The following AR variants were observed in gnomAD, a reference collection of about 807,000 sequenced individuals.
AR encodes the protein androgen receptor, also known as dihydrotestosterone receptor.
AR carries 8 observed loss-of-function variants against 53.9 expected under a neutral mutation model. The observed-to-expected ratio is 0.15, with a 90% CI of 0.09 to 0.27. The LOEUF is 0.27. Ranked by LOEUF, AR falls within the 10% of genes least tolerant of loss-of-function variation. AR has a pLI of 1.00. For missense variants in AR, 639 were observed against 742.5 expected, an observed-to-expected ratio of 0.86 and a Z score of 1.62; for synonymous variants, 359 against 316.4, an observed-to-expected ratio of 1.13 and a Z score of -1.43.
chrX:67,612,888 T>A (rs1398256919), intron 1 of AR, among the ~76,000 whole-genome samples: 1 of 111,753 alleles, frequency 8.9e-6, no homozygotes, highest in Non-Finnish European at 1.9e-5. Flanking sequence ...GCTTCCTCTC[T>A]CTCAAAATCT....
chrX:67,718,006 C>T, intron 5 of AR, among the ~76,000 whole-genome samples: 1 of 112,830 alleles, frequency 8.9e-6, no homozygotes. Flanking sequence ...TACTTCTAGT[C>T]ACCATTTGCT....
intron 1 of AR, among the ~76,000 whole-genome samples, chrX:67,619,385 CA>C (rs775476397): frequency 1.1e-4 from 12 of 110,339 alleles, no homozygotes; most frequent in Non-Finnish European, 1.9e-4. Flanking sequence ...GTAAAATTAA[CA>C]GATATTAGTC....
chrX:67,699,840 T>A (rs1043836133), intron 3 of AR, among the ~76,000 whole-genome samples: 1 of 111,460 alleles, frequency 9.0e-6, no homozygotes, highest in Non-Finnish European at 1.9e-5. Flanking sequence ...TTTTCCTTAA[T>A]CATGGTTGAG....
At chrX:67,604,984 A>G (rs1469809133) in intron 1 of AR, among the ~76,000 whole-genome samples, 1 of 112,274 alleles carries the variant, frequency 8.9e-6, no homozygotes, top group Non-Finnish European at 1.9e-5. Flanking sequence ...GTGTGACTGT[A>G]ACAAGATCAC....
rs148797085 is a variant in AR at position 67,563,824 on chromosome X, T to A, written c.1616+17062T>A. 6.4e-3 allele frequency among the ~76,000 whole-genome samples: 713 copies of A among 112,269 alleles called. 3 individuals are homozygous for A. Among genetic ancestry groups the A allele is most frequent in the Non-Finnish European group, 0.01 (538 of 53,242 alleles). On this transcript the variant is annotated intron_variant, in intron 1 of 7. Transcript: ENST00000374690. ...GATTCCTCTTCTTGGCCAGAGGTCA[T>A]GGTCTTCCACAAGGAACAGAATGAC...
intron 1 of AR, among the ~76,000 whole-genome samples, chrX:67,568,544 T>G (rs942780327): frequency 9.0e-6 from 1 of 111,606 alleles, no homozygotes; most frequent in Non-Finnish European, 1.9e-5. Flanking sequence ...CTGGGGACAG[T>G]GGGTTCTGCG....
chrX:67,689,623 A>G (rs2075985188), intron 3 of AR: 1 of 954,683 alleles, frequency 1.0e-6, no homozygotes. Context: ...CTTAAAGACT[A>G]CCTTCAGACT....
At chrX:67,703,244 G>C (rs759980884) in intron 3 of AR, among the ~76,000 whole-genome samples, 1 of 111,614 alleles carries the variant, frequency 9.0e-6, no homozygotes, top group African/African-American at 3.3e-5. Flanking sequence ...ATGTTAAAGG[G>C]ATTAAAGTGG....
intron 2 of AR, among the ~76,000 whole-genome samples, chrX:67,666,761 G>A (rs1927283318): frequency 4.5e-5 from 5 of 111,713 alleles, no homozygotes. Context: ...TTTAACTGTG[G>A]TGAAATGAGA....
At chrX:67,697,685 A>C (rs1457274755) in intron 3 of AR, among the ~76,000 whole-genome samples, 3 of 111,446 alleles carry the variant, frequency 2.7e-5, no homozygotes, top group East Asian at 5.7e-4. Context: ...ATTTCCTCCT[A>C]AAAATAGTCC....
At chrX:67,666,290 A>G (rs1927258194) in intron 2 of AR, among the ~76,000 whole-genome samples, 1 of 111,569 alleles carries the variant, frequency 9.0e-6, no homozygotes, top group African/African-American at 3.3e-5. Flanking sequence ...TTTAGCTCCC[A>G]CAAATATGTG....
At chrX:67,630,403 T>A (rs1925011678) in intron 1 of AR, among the ~76,000 whole-genome samples, 1 of 111,761 alleles carries the variant, frequency 8.9e-6, no homozygotes, top group South Asian at 3.8e-4. Context: ...TGGCCTTCTT[T>A]GTCTCTTTTG....
chrX:67,576,182 G>A (rs1397017538), intron 1 of AR, among the ~76,000 whole-genome samples: 3 of 110,860 alleles, frequency 2.7e-5, no homozygotes, highest in African/African-American at 9.8e-5. Flanking sequence ...CAACATGACT[G>A]CAGACCAGGA....
At chrX:67,723,614 G>A (rs2076146436) in intron 7 of AR, 72 bp from the exon 8 acceptor site, 1 of 1,140,740 alleles carries the variant, frequency 8.8e-7, no homozygotes, top group Non-Finnish European at 1.2e-6. Context: ...AAAAATCAGA[G>A]GTTGGGGAAG....
chrX:67,555,038 AG>A (rs1384157267), intron 1 of AR, among the ~76,000 whole-genome samples: 1 of 111,127 alleles, frequency 9.0e-6, no homozygotes, highest in African/African-American at 3.3e-5. Context: ...AATCTTCTTG[AG>A]GTAACTGCTT....
chrX:67,640,188 G>T (rs1168293435), intron 1 of AR, among the ~76,000 whole-genome samples: 2 of 111,334 alleles, frequency 1.8e-5, no homozygotes, highest in Non-Finnish European at 3.8e-5. Flanking sequence ...TGGTGGATAA[G>T]CTTTTTGATG....
At chrX:67,704,538 G>A (rs1179923933) in intron 3 of AR, among the ~76,000 whole-genome samples, 2 of 111,572 alleles carry the variant, frequency 1.8e-5, no homozygotes, top group East Asian at 2.8e-4. Flanking sequence ...TGTAGATTCT[G>A]GGTATTTGCC....
chrX:67,663,386 G>A (rs1182278131), intron 2 of AR, among the ~76,000 whole-genome samples: 1 of 111,672 alleles, frequency 9.0e-6, no homozygotes, highest in East Asian at 2.8e-4. Flanking sequence ...ACCTATGAAG[G>A]TTAGTTTGGC....
intron 1 of AR, among the ~76,000 whole-genome samples, chrX:67,597,375 A>G (rs973846788): frequency 8.9e-6 from 1 of 111,834 alleles, no homozygotes; most frequent in East Asian, 2.8e-4. Context: ...GAACTATGGT[A>G]CAAGATCCCA....
Sources: gnomAD v4.1 joint callset for allele counts (sites outside exome capture counted in the v4.1 genomes callset) on GRCh38, gnomAD v4.1.1 for gene constraint, MANE v1.5 for transcripts, NCBI Gene and HGNC (gene_info 2026-07-23, HGNC 2026-07-21) for gene names.